Variants in ZNF821 observed in about 807,000 individuals in gnomAD.
ZNF821 encodes the protein zinc finger protein 821.
A neutral mutation model predicts 44.3 loss-of-function variants in ZNF821; 16 were observed. That is an observed-to-expected ratio of 0.36 (90% CI 0.24 to 0.55). ZNF821 has a LOEUF of 0.55. Ranked by LOEUF, ZNF821 falls within the 20% of genes least tolerant of loss-of-function variation. The pLI is 0.86. For missense variants in ZNF821, 436 were observed against 547.6 expected (o/e 0.80, Z 2.03); for synonymous variants, 204 against 197.6 (o/e 1.03, Z -0.27).
At chr16:71,882,694 A>C (rs2036556970) in intron 2 of ZNF821, among the ~76,000 whole-genome samples, 1 of 152,176 alleles carries the variant, frequency 6.6e-6, no homozygotes, top group Admixed American at 6.5e-5. Context: ...GAAAATAATA[A>C]CAAAAACACC....
At chr16:71,894,764 G>T (rs868635428) in intron 1 of ZNF821, 3 of 1,113,036 alleles carry the variant, frequency 2.7e-6, no homozygotes, top group Non-Finnish European at 3.9e-6. Context: ...TGCAACTCCC[G>T]GGCTCAAGCG....
chr16:71,881,165 AT>A (rs2036383357), intron 2 of ZNF821, among the ~76,000 whole-genome samples: 1 of 152,220 alleles, frequency 6.6e-6, no homozygotes, highest in Non-Finnish European at 1.5e-5. Context: ...ACATAAAATC[AT>A]AGTTTATTGC....
intron 1 of ZNF821, among the ~76,000 whole-genome samples, chr16:71,891,114 C>G (rs1255778138): frequency 6.6e-6 from 1 of 152,130 alleles, no homozygotes; most frequent in African/African-American, 2.4e-5. Context: ...AAAAATCATT[C>G]TTAGCTGGAG....
intron 6 of ZNF821, among the ~76,000 whole-genome samples, chr16:71,862,222 A>G (rs1300579809): frequency 1.3e-5 from 2 of 152,220 alleles, no homozygotes; most frequent in Non-Finnish European, 2.9e-5. Context: ...CATGCCTGTA[A>G]TCCCAACACT....
rs2033660469 is a variant in ZNF821 at position 71,860,109 on chromosome 16, A to T, written c.1148T>A (p.Phe383Tyr). The T allele has an allele frequency of 1.2e-6, 2 of 1,614,242 alleles. No individual in the cohort carries two copies. The highest frequency in any genetic ancestry group is 1.7e-6 in the Non-Finnish European group (2 of 1,180,042). ...AMAALAAEMNFFQLPVSGVEL... is the reference protein window; with the variant it reads ...AMAALAAEMNYFQLPVSGVEL... Reference sequence around the variant, plus strand: ...CACCCCACTTACAGGCAGCTGGAAGAAGTTCATTTCAGCTGCTAAGGCTGC... The same window carrying T: ...CACCCCACTTACAGGCAGCTGGAAGTAGTTCATTTCAGCTGCTAAGGCTGC... The change falls in exon 8 of 8, where the codon TTC (phenylalanine) becomes TAC (tyrosine). Residue 383 changes from phenylalanine to tyrosine, a missense_variant. Coordinates refer to ENST00000425432, the MANE Select transcript of ZNF821 (RefSeq NM_001201552.2). This position sits in a 1 kb window ranked among gnomAD's most constrained non-coding sequence, Gnocchi z 7.3.
chr16:71,864,782 C>A, intron 5 of ZNF821, 121 bp downstream of exon 5: 3 of 1,238,248 alleles, frequency 2.4e-6, no homozygotes, highest in Non-Finnish European at 3.4e-6. Context: ...AAGGAAGAGG[C>A]CTCCCATGCA....
chr16:71,860,407 G>T lies in ZNF821; in HGVS notation c.850C>A (p.Arg284=). The change falls in exon 8 of 8, where the codon CGG becomes AGG. Residue 284 remains arginine (R), a synonymous_variant. Transcript: ENST00000425432. The surrounding 1 kb of genome is among the most constrained non-coding windows in gnomAD (Gnocchi z 7.3). ...LERERTAKKS[R]RDNETPEERE... The stretch of plus-strand genomic sequence containing the variant: ...TCCTCGGGGGTCTCATTGTCCCGCC[G>T]GCTCTTCTTGGCCGTGCGCTCTCGT... The T allele has an allele frequency of 6.2e-7, 1 of 1,612,850 alleles. No homozygotes were observed. The highest frequency in any genetic ancestry group is 8.5e-7 in the Non-Finnish European group (1 of 1,180,020).
chr16:71,880,051 CAT>C (rs1278203289), intron 2 of ZNF821, 28 bp from the exon 3 acceptor site: 2 of 1,087,246 alleles, frequency 1.8e-6, no homozygotes, highest in Non-Finnish European at 2.6e-6. Flanking sequence ...ATTGTTAGCA[CAT>C]GTCATTTTCC....
At chr16:71,883,363 C>T (rs1489231291) in intron 1 of ZNF821, 90 bp from the exon 2 acceptor site, 1 of 369,588 alleles carries the variant, frequency 2.7e-6, no homozygotes, top group African/African-American at 2.1e-5. Flanking sequence ...CGTGTCTAAT[C>T]AGCCGAGATG....
At chr16:71,869,125 T>C (rs1303073975) in intron 3 of ZNF821, among the ~76,000 whole-genome samples, 1 of 152,104 alleles carries the variant, frequency 6.6e-6, no homozygotes, top group Non-Finnish European at 1.5e-5. Flanking sequence ...GAAAAGAGAG[T>C]TGGGTTTCTT....
intron 4 of ZNF821, 136 bp downstream of exon 4, chr16:71,867,776 T>G: frequency 8.2e-7 from 1 of 1,222,460 alleles, no homozygotes; most frequent in Non-Finnish European, 1.1e-6. Flanking sequence ...TAGACCACCT[T>G]TGGGGACACT....
Position 71,884,119 on chromosome 16 carries a change from A to T in ZNF821, c.-352T>A, listed in dbSNP as rs1262867920. 2 of 152,142 alleles carry T rather than the reference A, an allele frequency of 1.3e-5. No individual in the cohort carries two copies. The highest frequency in any genetic ancestry group is 3.9e-4 in the East Asian group (2 of 5,170). 9.4% of individuals were successfully genotyped at this position (152,142 alleles called of 1,614,324 possible). A position where few individuals can be genotyped will look rare whatever the true frequency, so the allele number is the denominator to read the frequency against. ...GCTGCAGACGGACAAAGCCAACAGC[A>T]GACAGACAGACGGAGGGGGAAAAAG... On this transcript the variant is annotated 5_prime_UTR_variant, in exon 1 of 8. Transcript: ENST00000425432.
intron 3 of ZNF821, among the ~76,000 whole-genome samples, chr16:71,877,393 T>A (rs2035935417): frequency 6.6e-6 from 1 of 152,144 alleles, no homozygotes; most frequent in African/African-American, 2.4e-5. Context: ...TCTGAGTAGC[T>A]GGGACTATAG....
intron 3 of ZNF821, among the ~76,000 whole-genome samples, chr16:71,868,313 T>C (rs1474425043): frequency 6.6e-6 from 1 of 152,190 alleles, no homozygotes; most frequent in Admixed American, 6.5e-5. Context: ...ACTTCACAAA[T>C]GTAACTGCAG....
chr16:71,872,000 T>G (rs7193858), intron 3 of ZNF821, among the ~76,000 whole-genome samples: 11,512 of 151,982 alleles, frequency 0.076, 1,421 homozygotes, highest in African/African-American at 0.26. Flanking sequence ...CCTGGCTAAT[T>G]TTGTATTTTT....
At chr16:71,884,432 C>T (rs1567449700), upstream of ZNF821, among the ~76,000 whole-genome samples, 2 of 152,204 alleles carry the variant, frequency 1.3e-5, no homozygotes, top group African/African-American at 4.8e-5. Flanking sequence ...AGCCGCTCAG[C>T]TCCCCCAGAC....
chr16:71,887,259 CT>C (rs60449301), upstream of ZNF821, among the ~76,000 whole-genome samples: 35 of 124,866 alleles, frequency 2.8e-4, no homozygotes, highest in Admixed American at 3.6e-4. Flanking sequence ...TATATTCAAC[CT>C]TTTTTTTTTT....
At chr16:71,864,643 C>T in intron 5 of ZNF821, 1 of 472,556 alleles carries the variant, frequency 2.1e-6, no homozygotes, top group Admixed American at 3.7e-5. Flanking sequence ...CAAAGTTTCT[C>T]TCATGTCTGG....
At chr16:71,867,649 G>A (rs1398741906) in intron 4 of ZNF821, among the ~76,000 whole-genome samples, 1 of 151,450 alleles carries the variant, frequency 6.6e-6, no homozygotes, top group Non-Finnish European at 1.5e-5. Context: ...TCATGCCAAT[G>A]CACTCCAGCC....
Sources: allele counts gnomAD v4.1 joint callset (sites outside exome capture counted in the v4.1 genomes callset), GRCh38; gene constraint gnomAD v4.1.1; non-coding constraint Gnocchi (gnomAD v3.1); transcripts MANE v1.5; gene names NCBI Gene and HGNC (gene_info 2026-07-23, HGNC 2026-07-21).